JAK3: variants seen among roughly 807,000 people sequenced by gnomAD.
JAK3 encodes tyrosine-protein kinase JAK3.
In JAK3, 88 loss-of-function variants were observed where a neutral mutation model predicts 120.8. The ratio of observed to expected loss-of-function variants is 0.73; its 90% CI spans 0.61 to 0.87. The LOEUF is 0.87. Among genes scored for constraint, JAK3 ranks in the 40% least tolerant of loss-of-function variants. The pLI, the probability that JAK3 is intolerant of heterozygous loss-of-function variation, is 0.00. For synonymous variants in JAK3, 592 were observed against 628.6 expected (o/e 0.94, Z 0.87); for missense variants, 1,254 against 1,501.4 (o/e 0.84, Z 2.72).
At position 17,837,963 on chromosome 19, in the gene JAK3, A is replaced by T. The variant is rs2147687450; in HGVS notation, c.1670T>A (p.Val557Asp). ...GCAGTTCTTGTGCTTGGCATCCATG[A>T]CCTTCAGCAGCACCTCTGTCTTTCG... ...EARKTEVLLK[V>D]MDAKHKNCME... is the part of the protein sequence containing the mutation. Residue 557 changes from valine (V) to aspartate (D), a missense_variant, in exon 12 of 24, where the codon GTC becomes GAC. By Grantham distance (152) the Val-to-Asp change is radical. This residue lies in a region of JAK3 where 630 missense variants were observed against 819.8 expected (regional missense o/e 0.77). Transcript: ENST00000458235. 5.0e-6 allele frequency: 8 copies of T among 1,613,918 alleles called. No homozygotes were observed. Among genetic ancestry groups the T allele is most frequent in the Non-Finnish European group, 6.8e-6 (8 of 1,179,986 alleles).
Position 17,835,944 on chromosome 19 carries a change from C to G in JAK3, c.1894G>C (p.Ala632Pro), listed in dbSNP as rs2094223269. Reference sequence around the variant, plus strand: ...CTCACCAGATAGTTGAGGGCGTAGGCCAGCTGTTTGACCACCTGCAGCTTC... The same window carrying G: ...CTCACCAGATAGTTGAGGGCGTAGGGCAGCTGTTTGACCACCTGCAGCTTC... Reference protein sequence around the residue: ...SWKLQVVKQLAYALNYLEDKG... With the variant: ...SWKLQVVKQLPYALNYLEDKG... Residue 632 changes from alanine (A) to proline (P), a missense_variant, in exon 14 of 24, where the codon GCC (alanine) becomes CCC (proline). Coordinates refer to ENST00000458235, the MANE Select transcript of JAK3 (RefSeq NM_000215.4). The G allele has an allele frequency of 6.2e-7, 1 of 1,613,916 alleles. No individual in the cohort carries two copies. The highest frequency in any genetic ancestry group is 1.1e-5 in the South Asian group (1 of 91,090).
rs1359013664 is a variant in JAK3 at position 17,831,488 on chromosome 19, C to G, written c.2806-88G>C. On this transcript the variant is annotated intron_variant, in intron 20 of 23. Transcript: ENST00000458235. This position sits in a 1 kb window ranked among gnomAD's most constrained non-coding sequence, Gnocchi z 5.1. ...CGTGACCTGGCACCCCAACCCAGAC[C>G]CCAACTATAACCCTACCCCCGAGCC... The G allele has an allele frequency of 3.8e-6, 6 of 1,567,214 alleles. No homozygotes were observed. The highest frequency in any genetic ancestry group is 5.2e-6 in the Non-Finnish European group (6 of 1,154,386).
Position 17,837,205 on chromosome 19 carries a change from C to A in JAK3, c.1710G>T (p.Leu570=). Reference sequence around the variant, plus strand: ...CTTGGCTCATCAAGCTCGCTGCTTCCAGGAATGACTGGGGAAGGTGGGAAG... The same window carrying A: ...CTTGGCTCATCAAGCTCGCTGCTTCAAGGAATGACTGGGGAAGGTGGGAAG... ...AKHKNCMESF[L]EAASLMSQVS... is the part of the protein sequence containing the mutation. Residue 570 remains leucine, a synonymous_variant, in exon 13 of 24, where the codon CTG becomes CTT. Transcript: ENST00000458235. The A allele has an allele frequency of 6.4e-7, 1 of 1,567,270 alleles. No homozygotes were observed. The highest frequency in any genetic ancestry group is 2.4e-5 in the East Asian group (1 of 42,506).
intron 22 of JAK3, 94 bp from the exon 23 acceptor site, chr19:17,830,312 T>A: frequency 9.8e-7 from 1 of 1,016,406 alleles, no homozygotes; most frequent in Non-Finnish European, 1.5e-6. Context: ...CCATCTGTGA[T>A]GGAGCGGGGA....
intron 23 of JAK3, 134 bp downstream of exon 23, chr19:17,829,974 G>A: frequency 2.8e-6 from 2 of 721,062 alleles, no homozygotes; most frequent in East Asian, 2.7e-5. Context: ...GTAGCCAAGT[G>A]GGGGCCAGGA....
intron 16 of JAK3, 36 bp from the exon 17 acceptor site, chr19:17,834,757 C>CA: frequency 6.2e-7 from 1 of 1,614,046 alleles, no homozygotes; most frequent in Non-Finnish European, 8.5e-7. Flanking sequence ...ATCCCCAACC[C>CA]AATAGACCCA....
In JAK3 at chr19:17,831,420, G is replaced by C. The variant is rs199653549; in HGVS notation, c.2806-20C>G. On this transcript the variant is annotated intron_variant, in intron 20 of 23. Transcript: ENST00000458235. This position sits in a 1 kb window ranked among gnomAD's most constrained non-coding sequence, Gnocchi z 5.1. ...CATGCCCTGCGGGCGGGCGGTGTGA[G>C]CGTGCAGAGAGGATCCCAGGATAAT... 1.2e-4 allele frequency: 188 copies of C among 1,600,484 alleles called. 1 individual carries two copies. In the African/African-American group the frequency reaches 2.3e-3, roughly 20 times the overall value.
chr19:17,831,364 G>A lies in JAK3; in HGVS notation c.2842C>T (p.Arg948Cys), dbSNP rs200202992. ...EYLGSRRCVH[R>C]DLAARNILVE... ...AGGATGTTTCGGGCGGCCAGGTCGC[G>A]GTGCACGCAGCGGCGGGAGCCCAGG... Residue 948 changes from arginine to cysteine, a missense_variant, in exon 21 of 24, where the codon CGC becomes TGC. Arg to Cys is a radical substitution (Grantham distance 180). This residue lies in a region of JAK3 where 630 missense variants were observed against 819.8 expected (regional missense o/e 0.77). Transcript: ENST00000458235. This position sits in a 1 kb window ranked among gnomAD's most constrained non-coding sequence, Gnocchi z 5.1. The A allele has an allele frequency of 2.4e-5, 39 of 1,608,860 alleles. No individual in the cohort carries two copies. The East Asian group carries it at 3.3e-4, about 14-fold the overall frequency.
chr19:17,836,485 T>C (rs555863677), intron 13 of JAK3, among the ~76,000 whole-genome samples: 13 of 152,304 alleles, frequency 8.5e-5, no homozygotes, highest in African/African-American at 2.6e-4. Flanking sequence ...TCTTGCCATG[T>C]TGGCCAGACT....
chr19:17,837,781 A>C, intron 12 of JAK3, 151 bp downstream of exon 12: 23 of 1,214,332 alleles, frequency 1.9e-5, no homozygotes, highest in South Asian at 2.4e-5. Flanking sequence ...CCTGGCTTCA[A>C]ACCATCCTCC....
chr19:17,830,990 G>C (rs1860967049), intron 21 of JAK3, among the ~76,000 whole-genome samples: 4 of 147,994 alleles, frequency 2.7e-5, no homozygotes. Context: ...GGCGGGGCGA[G>C]AGCTGAGAGA....
Position 17,843,191 on chromosome 19 carries a change from G to A in JAK3, c.421-19C>T, listed in dbSNP as rs763948168. On this transcript the variant is annotated intron_variant, in intron 4 of 23. Transcript: ENST00000458235. This position sits in a 1 kb window ranked among gnomAD's most constrained non-coding sequence, Gnocchi z 5.4. ...TGCGGTGCTGGGGGGCCGCCACAGG[G>A]AGCATCAGCTGAGGCCACCCAACTT... The A allele has an allele frequency of 2.5e-6, 4 of 1,598,594 alleles. No homozygotes were observed. The highest frequency in any genetic ancestry group is 2.2e-5 in the South Asian group (2 of 89,708).
At chr19:17,840,564 C>A (rs1467530916) in intron 8 of JAK3, among the ~76,000 whole-genome samples, 1 of 151,986 alleles carries the variant, frequency 6.6e-6, no homozygotes, top group Non-Finnish European at 1.5e-5. Context: ...GAGATCAACA[C>A]CATCCTGGCT....
chr19:17,829,913 A>T (rs149217986), intron 23 of JAK3, 195 bp downstream of exon 23: 440 of 641,780 alleles, frequency 6.9e-4, no homozygotes, highest in African/African-American at 5.7e-3. Context: ...CATTTTGGAA[A>T]AGGGTAAACT....
Position 17,843,865 on chromosome 19 carries a change from C to T in JAK3, c.220G>A (p.Ala74Thr). The T allele has an allele frequency of 6.2e-7, 1 of 1,613,596 alleles. No homozygotes were observed. Among genetic ancestry groups the T allele is most frequent in the Non-Finnish European group, 8.5e-7 (1 of 1,179,974 alleles). ...LPVYHSLFAL[A>T]TEDLSCWFPP... ...AACCAGCAGGACAGGTCCTCCGTGGCCAGAGCAAAGAGGGAGTGGTACACA... is the reference window on the plus strand; with the variant it reads ...AACCAGCAGGACAGGTCCTCCGTGGTCAGAGCAAAGAGGGAGTGGTACACA... The change falls in exon 3 of 24, where the codon GCC becomes ACC. Residue 74 changes from alanine to threonine, a missense_variant. This residue lies in a region of JAK3 where 138 missense variants were observed against 178.7 expected (regional missense o/e 0.77). Transcript: ENST00000458235. This position sits in a 1 kb window ranked among gnomAD's most constrained non-coding sequence, Gnocchi z 5.4.
At chr19:17,834,474 C>T in intron 17 of JAK3, 97 bp downstream of exon 17, 1 of 1,418,016 alleles carries the variant, frequency 7.1e-7, no homozygotes, top group Non-Finnish European at 9.9e-7. Context: ...CCAACCTCAC[C>T]AGACACACAG....
intron 23 of JAK3, among the ~76,000 whole-genome samples, chr19:17,829,222 T>G (rs1483728012): frequency 1.3e-5 from 2 of 152,124 alleles, no homozygotes; most frequent in Non-Finnish European, 2.9e-5. Context: ...TGGAGTGCAG[T>G]GGCATGATCT....
rs778211961 is a variant in JAK3, at chr19:17,826,811, G to A, written c.3307C>T (p.Arg1103Trp). 2.5e-6 allele frequency: 4 copies of A among 1,614,062 alleles called. No individual in the cohort carries two copies. Among genetic ancestry groups the A allele is most frequent in the African/African-American group, 1.3e-5 (1 of 75,032 alleles). The change falls in exon 24 of 24, where the codon CGG becomes TGG. Residue 1103 changes from arginine to tryptophan, a missense_variant. Physicochemically the swap from Arg to Trp is moderately radical, Grantham distance 101. This residue lies in a region of JAK3 where 630 missense variants were observed against 819.8 expected (regional missense o/e 0.77). Coordinates refer to ENST00000458235, the MANE Select transcript of JAK3 (RefSeq NM_000215.4). ...PQLDMLWSGS[R>W]GCETHAFTAH... ...GTGAAGGCATGAGTCTCACACCCCC[G>A]GCTTCCGCTCCACAGCATGTCCAGC...
Position 17,843,563 on chromosome 19 carries a change from GC to G in JAK3, c.309-73del. 1 of 1,232,636 alleles carries G rather than the reference GC, an allele frequency of 8.1e-7. No individual in the cohort carries two copies. The highest frequency in any genetic ancestry group is 1.5e-5 in the African/African-American group (1 of 67,336). 76.4% of individuals were successfully genotyped at this position (1,232,636 alleles called of 1,614,324 possible). A position where few individuals can be genotyped will look rare whatever the true frequency, so the allele number is the denominator to read the frequency against. ...CAGTAGGAGTGACATTATGGTGGGG[GC>G]GAGGGACAGATTCTGCGGAGGCCTC... On this transcript the variant is annotated intron_variant, in intron 3 of 23. Coordinates refer to ENST00000458235, the MANE Select transcript of JAK3 (RefSeq NM_000215.4). The surrounding 1 kb of genome is among the most constrained non-coding windows in gnomAD (Gnocchi z 5.4).
Sources: allele counts gnomAD v4.1 joint callset (sites outside exome capture counted in the v4.1 genomes callset), GRCh38; gene constraint gnomAD v4.1.1; regional missense constraint gnomAD v4.1.1; non-coding constraint Gnocchi (gnomAD v3.1); transcripts MANE v1.5; gene names NCBI Gene and HGNC (gene_info 2026-07-23, HGNC 2026-07-21).